Variants in TFG observed in about 807,000 individuals in gnomAD.
The protein encoded by TFG is protein TFG.
In TFG, 22 loss-of-function variants were observed where a neutral mutation model predicts 51.4. That is an observed-to-expected ratio of 0.43 (90% CI 0.31 to 0.61). The LOEUF (loss-of-function observed/expected upper bound fraction) is 0.61, where lower values mean the gene tolerates loss of function less well. Ranked by LOEUF, TFG falls within the 20% of genes least tolerant of loss-of-function variation. The pLI is 0.12. For missense variants in TFG, 419 were observed against 487.7 expected, an observed-to-expected ratio of 0.86 and a Z score of 1.33; for synonymous variants, 187 against 165.6, an observed-to-expected ratio of 1.13 and a Z score of -0.99.
chr3:100,712,405 A>T (rs1036789978), intron 1 of TFG, among the ~76,000 whole-genome samples: 3 of 152,204 alleles, frequency 2.0e-5, no homozygotes, highest in African/African-American at 7.2e-5. Context: ...GGAAGCAGAA[A>T]GCTGCTAGTA....
Position 100,748,583 on chromosome 3 carries a change from A to G in TFG, c.*52A>G, listed in dbSNP as rs746873285. The G allele has an allele frequency of 6.6e-7, 1 of 1,523,988 alleles. No homozygotes were observed. Among genetic ancestry groups the G allele is most frequent in the Non-Finnish European group, 8.8e-7 (1 of 1,131,508 alleles). The allele number at this position is 1,523,988 out of a possible 1,614,324, so 94.4% of individuals were successfully genotyped here. The stretch of plus-strand genomic sequence containing the variant: ...AGCTGCTAGCTATTGGCCTCCCAAA[A>G]GACTCCAGTACTATTTTAATTTGTA... On this transcript the variant is annotated 3_prime_UTR_variant, in exon 8 of 8. Coordinates refer to ENST00000240851, the MANE Select transcript of TFG (RefSeq NM_006070.6).
intron 3 of TFG, among the ~76,000 whole-genome samples, chr3:100,726,259 G>A (rs1055757014): frequency 7.2e-5 from 11 of 152,204 alleles, no homozygotes; most frequent in African/African-American, 1.9e-4. Flanking sequence ...GAGGGAGAGC[G>A]AGCTAAAGAC....
chr3:100,720,431 A>G (rs559696194), intron 3 of TFG, among the ~76,000 whole-genome samples: 4 of 152,374 alleles, frequency 2.6e-5, no homozygotes, highest in African/African-American at 9.6e-5. Context: ...TAAGTCTGAT[A>G]CTTGAAACCA....
At chr3:100,721,217 A>G (rs946323865) in intron 3 of TFG, among the ~76,000 whole-genome samples, 10 of 152,194 alleles carry the variant, frequency 6.6e-5, no homozygotes, top group Non-Finnish European at 1.3e-4. Context: ...TAAACTTACA[A>G]ATGTGTTTTC....
At position 100,748,093 on chromosome 3, in the gene TFG, T is replaced by C. The variant is rs1223925396; in HGVS notation, c.821-56T>C. 17 of 1,546,960 alleles carry C rather than the reference T, an allele frequency of 1.1e-5. No homozygotes were observed. The South Asian group carries it at 2.0e-4, about 18-fold the overall frequency. ...CCACCTAACAGTAAGACTAATTCTT[T>C]GGAAAAGTAGTTTTACTAAAAGATA... On this transcript the variant is annotated intron_variant, in intron 7 of 7. Transcript: ENST00000240851.
chr3:100,729,143 A>G (rs2095084408), intron 4 of TFG, among the ~76,000 whole-genome samples: 2 of 152,196 alleles, frequency 1.3e-5, no homozygotes, highest in African/African-American at 4.8e-5. Context: ...TTTCGCAACT[A>G]GTCTTAGACT....
Position 100,732,660 on chromosome 3 carries a change from G to T in TFG, c.568G>T (p.Asp190Tyr), listed in dbSNP as rs1296676160. Residue 190 changes from aspartate (D) to tyrosine (Y), a missense_variant, in exon 5 of 8, where the codon GAT (aspartate) becomes TAT (tyrosine). Transcript: ENST00000240851. The part of the protein sequence containing the change: ...NVMSAFGLTD[D>Y]QVSGPPSAPA... ...TATGTCAGCGTTTGGCTTAACAGAT[G>T]ATCAGGTTTCAGGTAAGTTGGTTTC... 1.9e-6 allele frequency: 3 copies of T among 1,609,018 alleles called. No homozygotes were observed. The highest frequency in any genetic ancestry group is 1.7e-6 in the Non-Finnish European group (2 of 1,177,808).
intron 6 of TFG, among the ~76,000 whole-genome samples, chr3:100,740,868 C>T (rs2095119411): frequency 6.6e-6 from 1 of 152,038 alleles, no homozygotes; most frequent in African/African-American, 2.4e-5. Flanking sequence ...TAGTCATGCA[C>T]TGTATAACAT....
intron 5 of TFG, among the ~76,000 whole-genome samples, 188 bp downstream of exon 5, chr3:100,732,860 A>T (rs868080846): frequency 6.6e-6 from 1 of 152,154 alleles, no homozygotes; most frequent in Non-Finnish European, 1.5e-5. Context: ...GATGTAGATG[A>T]TTTCCAGCAC....
intron 3 of TFG, among the ~76,000 whole-genome samples, chr3:100,724,471 T>C (rs1281197923): frequency 6.6e-6 from 1 of 152,190 alleles, no homozygotes; most frequent in Non-Finnish European, 1.5e-5. Context: ...TTTCAAGAAG[T>C]AGAAAAATTG....
intron 3 of TFG, among the ~76,000 whole-genome samples, chr3:100,728,420 T>C (rs948597153): frequency 6.6e-6 from 1 of 151,868 alleles, no homozygotes; most frequent in Admixed American, 6.5e-5. Flanking sequence ...TTTTATTAAA[T>C]TTAATCATTT....
chr3:100,720,061 G>A lies in TFG; in HGVS notation c.268+3G>A. 1 of 1,532,890 alleles carries A rather than the reference G, an allele frequency of 6.5e-7. No homozygotes were observed. The highest frequency in any genetic ancestry group is 1.4e-5 in the African/African-American group (1 of 71,176). The allele number at this position is 1,532,890 out of a possible 1,614,324, so 95.0% of individuals were successfully genotyped here. On this transcript the variant is annotated splice_donor_region_variant and intron_variant, in intron 3 of 7. Coordinates refer to ENST00000240851, the MANE Select transcript of TFG (RefSeq NM_006070.6). Reference sequence around the variant, plus strand: ...GATACTGAAACTGACATTATTTGGTGAGTAGTAAACTTTCTAATGAATTTA... The same window carrying A: ...GATACTGAAACTGACATTATTTGGTAAGTAGTAAACTTTCTAATGAATTTA...
rs1273297141 is a variant in TFG, at chr3:100,715,398, C to T, written c.184+1529C>T. 4.6e-5 allele frequency among the ~76,000 whole-genome samples: 7 copies of T among 152,180 alleles called. No individual in the cohort carries two copies. In the South Asian group the frequency reaches 1.2e-3, roughly 27 times the overall value. ...TTGTATGTCATTTCTGCCCTTATGA[C>T]ATTGGTCAGTACCCAGTTACATGGC... On this transcript the variant is annotated intron_variant, in intron 2 of 7. Coordinates refer to ENST00000240851, the MANE Select transcript of TFG (RefSeq NM_006070.6).
At chr3:100,724,482 G>A (rs9871767) in intron 3 of TFG, among the ~76,000 whole-genome samples, 4,532 of 152,162 alleles carry the variant, frequency 0.03, 184 homozygotes, top group African/African-American at 0.092. Flanking sequence ...AGAAAAATTG[G>A]TTGCCCCAAT....
rs430945 is a variant in TFG, at chr3:100,736,627, C to G, written c.632C>G (p.Ala211Gly). The change falls in exon 6 of 8, where the codon GCT becomes GGT. Residue 211 changes from alanine to glycine, a missense_variant. Physicochemically the swap from Ala to Gly is moderately conservative, Grantham distance 60. This residue lies in a region of TFG where 391 missense variants were observed against 434.4 expected (regional missense o/e 0.90). Transcript: ENST00000240851. ...CGTTCAGGAACACCCGACAGCATTG[C>G]TTCCTCCTCCTCAGCAGCTCACCCA... ...EDRSGTPDSI[A>G]SSSSAAHPPG... The G allele has an allele frequency of 6.2e-7, 1 of 1,613,838 alleles. No individual in the cohort carries two copies.
At chr3:100,733,969 T>A (rs1471589686) in intron 5 of TFG, among the ~76,000 whole-genome samples, 1 of 152,150 alleles carries the variant, frequency 6.6e-6, no homozygotes, top group Non-Finnish European at 1.5e-5. Flanking sequence ...TAATTATTGT[T>A]GGCTACAAAG....
chr3:100,718,063 T>C (rs1330983044), intron 2 of TFG, among the ~76,000 whole-genome samples: 1 of 152,314 alleles, frequency 6.6e-6, no homozygotes, highest in South Asian at 2.1e-4. Context: ...TAGCTGGGAC[T>C]GCAGGCATGT....
rs2095095337 is a variant in TFG, at chr3:100,732,755, A to G, written c.580+83A>G. The G allele has an allele frequency of 4.1e-6, 5 of 1,213,898 alleles. No homozygotes were observed. In the South Asian group the frequency reaches 7.8e-5, roughly 19 times the overall value. The allele number at this position is 1,213,898 out of a possible 1,614,324, so 75.2% of individuals were successfully genotyped here. On this transcript the variant is annotated intron_variant, in intron 5 of 7. Coordinates refer to ENST00000240851, the MANE Select transcript of TFG (RefSeq NM_006070.6). ...CTTTCCTTCTTTCTTTAATTGAAGA[A>G]TAACTTGGATATGGTGAAGTGCACA...
rs1261423741 is a variant in TFG, at chr3:100,732,557, A to G, written c.465A>G (p.Lys155=). The G allele has an allele frequency of 6.2e-7, 1 of 1,612,786 alleles. No individual in the cohort carries two copies. The highest frequency in any genetic ancestry group is 1.7e-5 in the Admixed American group (1 of 59,846). The stretch of plus-strand genomic sequence containing the variant: ...AGTCTGCTTCTGATTCTTCTGGAAA[A>G]CAGTCTACTCAGGTTATGGCAGCAA... ...EEKSASDSSG[K]QSTQVMAASM... Residue 155 remains lysine, a synonymous_variant, in exon 5 of 8, where the codon AAA becomes AAG. Transcript: ENST00000240851.
Sources: gnomAD v4.1 joint callset for allele counts (sites outside exome capture counted in the v4.1 genomes callset) on GRCh38, gnomAD v4.1.1 for gene constraint, gnomAD v4.1.1 regional missense constraint, MANE v1.5 for transcripts, NCBI Gene and HGNC (gene_info 2026-07-23, HGNC 2026-07-21) for gene names.